NAA11: variants seen among roughly 807,000 people sequenced by gnomAD.
The protein encoded by NAA11 is N-alpha-acetyltransferase 11, NatA catalytic subunit.
Under a neutral mutation model 16.1 loss-of-function variants are expected in NAA11, and 15 were observed. The ratio of observed to expected loss-of-function variants is 0.93; its 90% CI spans 0.62 to 1.44. The LOEUF (loss-of-function observed/expected upper bound fraction) is 1.44. Among genes scored for constraint, NAA11 ranks in the 40% most tolerant of loss-of-function variants. NAA11 has a pLI of 0.00. For synonymous variants in NAA11, 122 were observed against 112.4 expected, an observed-to-expected ratio of 1.09 and a Z score of -0.54; for missense variants, 298 against 291.3, an observed-to-expected ratio of 1.02 and a Z score of -0.17.
At chr4:79,226,433 A>G (rs1276115364) in intron 2 of NAA11, among the ~76,000 whole-genome samples, 1 of 151,574 alleles carries the variant, frequency 6.6e-6, no homozygotes, top group Non-Finnish European at 1.5e-5. Context: ...TTTAATATAT[A>G]TATTTTTTAT....
chr4:79,191,740 T>G, the NAA11 span, among the ~76,000 whole-genome samples: 4 of 152,210 alleles, frequency 2.6e-5, no homozygotes, highest in African/African-American at 9.7e-5. Context: ...GCAGTCTTTG[T>G]TATGAAATCT....
chr4:79,157,230 T>G, the NAA11 span, among the ~76,000 whole-genome samples: 6 of 152,126 alleles, frequency 3.9e-5, no homozygotes, highest in African/African-American at 1.4e-4. Context: ...GAACCCAATT[T>G]GTAGTCTTTT....
At chr4:79,156,291 G>C in the NAA11 span, among the ~76,000 whole-genome samples, 2 of 151,484 alleles carry the variant, frequency 1.3e-5, no homozygotes, top group African/African-American at 2.4e-5. Flanking sequence ...AGATATTAGA[G>C]TTATAGAACC....
intron 2 of NAA11, among the ~76,000 whole-genome samples, chr4:79,291,186 G>C (rs942839045): frequency 6.6e-5 from 10 of 152,146 alleles, no homozygotes; most frequent in Non-Finnish European, 1.5e-4. Flanking sequence ...TCTGGGCCAG[G>C]TGCAGTGGTT....
At chr4:79,284,275 C>G (rs1296243426) in intron 2 of NAA11, among the ~76,000 whole-genome samples, 1 of 151,958 alleles carries the variant, frequency 6.6e-6, no homozygotes, top group Non-Finnish European at 1.5e-5. Flanking sequence ...CTATAGTGTC[C>G]CACCAAAGTC....
At chr4:79,211,128 G>C in the NAA11 span, among the ~76,000 whole-genome samples, 1 of 152,096 alleles carries the variant, frequency 6.6e-6, no homozygotes, top group African/African-American at 2.4e-5. Context: ...TACATTAGTT[G>C]TGAGTCCAGA....
chr4:79,229,133 T>G (rs938441467), intron 2 of NAA11, among the ~76,000 whole-genome samples: 1 of 152,042 alleles, frequency 6.6e-6, no homozygotes, highest in African/African-American at 2.4e-5. Flanking sequence ...TAAGAAATCT[T>G]TGCCTAATCC....
chr4:79,196,587 G>A, the NAA11 span, among the ~76,000 whole-genome samples: 2 of 151,854 alleles, frequency 1.3e-5, no homozygotes, highest in Non-Finnish European at 2.9e-5. Flanking sequence ...CTGCTTCCTG[G>A]ATCTGTGCTT....
In NAA11 at chr4:79,293,441, C is replaced by T. The variant is rs77943603; in HGVS notation, c.*122+564G>A. Among the ~76,000 whole-genome samples the T allele has an allele frequency of 5.9e-3, 905 of 152,246 alleles. 8 individuals are homozygous for T. Among genetic ancestry groups the T allele is most frequent in the African/African-American group, 0.021 (862 of 41,550 alleles). ...CTTAGAGATGCTTAAAATGGACAGA[C>T]ACTGCTCTAAAAACTTTACCTATAT... is the stretch of plus-strand genomic sequence containing the variant. On this transcript the variant is annotated intron_variant and NMD_transcript_variant, in intron 2 of 2. Coordinates refer to the NAA11 transcript ENST00000511542.
chr4:79,316,338 T>G (rs939920818), downstream of NAA11, among the ~76,000 whole-genome samples: 3 of 152,220 alleles, frequency 2.0e-5, no homozygotes, highest in Non-Finnish European at 4.4e-5. Flanking sequence ...AGATAGATTT[T>G]ATCATACTGT....
rs369553472 is a variant in NAA11 at position 79,242,029 on chromosome 4, C to T, written c.*123-15759G>A. 3.4e-4 allele frequency among the ~76,000 whole-genome samples: 52 copies of T among 152,280 alleles called. No individual in the cohort carries two copies. The South Asian group carries it at 5.2e-3, about 15-fold the overall frequency. ...AAGAAGGGGCTTTTCTCTGCTATTC[C>T]AATGTGTTTCTTGATGCTGCTTCTT... On this transcript the variant is annotated intron_variant and NMD_transcript_variant, in intron 2 of 2. Transcript: ENST00000511542.
chr4:79,159,085 G>T, the NAA11 span, among the ~76,000 whole-genome samples: 29 of 152,058 alleles, frequency 1.9e-4, no homozygotes, highest in Non-Finnish European at 2.9e-5. Context: ...AGATAAATAG[G>T]CTACACTTAA....
chr4:79,202,696 G>A, the NAA11 span, among the ~76,000 whole-genome samples: 1 of 130,934 alleles, frequency 7.6e-6, no homozygotes, highest in African/African-American at 2.7e-5. Flanking sequence ...AACTGAACCT[G>A]ACCTGATTAT....
the NAA11 span, among the ~76,000 whole-genome samples, chr4:79,192,554 G>A: frequency 6.6e-6 from 1 of 152,048 alleles, no homozygotes; most frequent in East Asian, 1.9e-4. Flanking sequence ...CAAAGGACAT[G>A]AACTCATCCT....
intron 1 of NAA11, among the ~76,000 whole-genome samples, chr4:79,303,662 C>T (rs1252076898): frequency 2.6e-5 from 4 of 152,174 alleles, no homozygotes; most frequent in Non-Finnish European, 4.4e-5. Context: ...AATAATGCTT[C>T]CCTTTTTGTT....
At chr4:79,189,800 A>G in the NAA11 span, among the ~76,000 whole-genome samples, 14 of 152,206 alleles carry the variant, frequency 9.2e-5, no homozygotes, top group African/African-American at 3.4e-4. Flanking sequence ...GTTGACAGGC[A>G]GGAGTTAATG....
chr4:79,211,033 T>G, the NAA11 span, among the ~76,000 whole-genome samples: 1 of 152,216 alleles, frequency 6.6e-6, no homozygotes, highest in East Asian at 1.9e-4. Flanking sequence ...GCTCAAACTA[T>G]ACAGTGCTTT....
the NAA11 span, among the ~76,000 whole-genome samples, chr4:79,167,132 T>TTATATATATATATATA: frequency 0.023 from 403 of 17,202 alleles, 61 homozygotes; most frequent in Non-Finnish European, 0.029. Context: ...ACAGCTTATT[T>TTATATATATATATATA]TATATATATA....
At chr4:79,198,801 C>T in the NAA11 span, among the ~76,000 whole-genome samples, 10 of 151,870 alleles carry the variant, frequency 6.6e-5, no homozygotes, top group African/African-American at 2.4e-4. Context: ...TGTGTTAACA[C>T]CTCTCACTAT....
Sources: allele counts gnomAD v4.1 joint callset (sites outside exome capture counted in the v4.1 genomes callset), GRCh38; gene constraint gnomAD v4.1.1; transcripts MANE v1.5; gene names NCBI Gene and HGNC (gene_info 2026-07-23, HGNC 2026-07-21).